The following MAP3K15 variants were observed in gnomAD, a reference collection of about 807,000 sequenced individuals.
The protein encoded by MAP3K15 is mitogen-activated protein kinase kinase kinase 15.
MAP3K15 carries 124 observed loss-of-function variants against 99.5 expected under a neutral mutation model. The observed-to-expected ratio is 1.25, with a 90% CI of 1.08 to 1.45. MAP3K15 has a LOEUF of 1.45. Ranked by LOEUF, MAP3K15 falls within the 40% of genes most tolerant of loss-of-function variation. The probability of loss-of-function intolerance (pLI) is 0.00; values close to 1 mark genes in which losing one functional copy is unlikely to be tolerated. For synonymous variants in MAP3K15, 494 were observed against 439.6 expected (o/e 1.12, Z -1.55); for missense variants, 1,242 against 1,079.7 (o/e 1.15, Z -2.11).
At chrX:19,382,050 G>A (rs2063461422) in intron 18 of MAP3K15, among the ~76,000 whole-genome samples, 1 of 111,007 alleles carries the variant, frequency 9.0e-6, no homozygotes, top group African/African-American at 3.3e-5. Flanking sequence ...TTCGAGACCA[G>A]CCTGGCCAAC....
intron 5 of MAP3K15, among the ~76,000 whole-genome samples, chrX:19,458,705 T>G (rs190950867): frequency 9.1e-6 from 1 of 110,425 alleles, no homozygotes; most frequent in Non-Finnish European, 1.9e-5. Flanking sequence ...AAATAAAAAT[T>G]TGAAAAACAG....
At chrX:19,402,358 T>C (rs2063615355) in intron 13 of MAP3K15, among the ~76,000 whole-genome samples, 1 of 111,087 alleles carries the variant, frequency 9.0e-6, no homozygotes, top group Non-Finnish European at 1.9e-5. Context: ...GGGACTCTCA[T>C]ACATTGCTAG....
chrX:19,418,254 AG>A (rs745800967), intron 9 of MAP3K15, among the ~76,000 whole-genome samples: 3 of 111,607 alleles, frequency 2.7e-5, no homozygotes, highest in Non-Finnish European at 3.8e-5. Context: ...GAGCTAAAGG[AG>A]GAAGTTCGAA....
chrX:19,499,331 T>A (rs1476595792), intron 1 of MAP3K15, among the ~76,000 whole-genome samples: 5 of 112,220 alleles, frequency 4.5e-5, no homozygotes, highest in Non-Finnish European at 9.4e-5. Flanking sequence ...GTGCTAAGAA[T>A]ATAAAATGGT....
chrX:19,369,019 G>A (rs779916280), intron 25 of MAP3K15, 35 bp downstream of exon 25: 11 of 1,146,432 alleles, frequency 9.6e-6, no homozygotes, highest in South Asian at 4.1e-5. Flanking sequence ...CTGTCCCAGC[G>A]CCTGCTCCCA....
chrX:19,427,474 A>G (rs2063841709), intron 7 of MAP3K15, among the ~76,000 whole-genome samples: 2 of 111,598 alleles, frequency 1.8e-5, no homozygotes, highest in South Asian at 7.6e-4. Flanking sequence ...CTGGATCCCA[A>G]ATAACTATAG....
At chrX:19,404,814 C>T (rs932815973) in intron 13 of MAP3K15, among the ~76,000 whole-genome samples, 4 of 111,554 alleles carry the variant, frequency 3.6e-5, no homozygotes, top group African/African-American at 1.3e-4. Context: ...CACATATCCA[C>T]GTTAAAGAAT....
intron 3 of MAP3K15, among the ~76,000 whole-genome samples, chrX:19,476,981 G>C (rs2064247279): frequency 9.0e-6 from 1 of 111,500 alleles, no homozygotes; most frequent in Non-Finnish European, 1.9e-5. Context: ...CCCTACCCCT[G>C]TCCTCCCAGG....
chrX:19,492,144 T>C (rs1477067613), intron 1 of MAP3K15, among the ~76,000 whole-genome samples: 1 of 110,183 alleles, frequency 9.1e-6, no homozygotes, highest in Non-Finnish European at 1.9e-5. Flanking sequence ...CTTTTTATTA[T>C]GCAGAACTAC....
chrX:19,480,096 A>C (rs771658458), intron 3 of MAP3K15, among the ~76,000 whole-genome samples: 8 of 112,488 alleles, frequency 7.1e-5, no homozygotes, highest in Non-Finnish European at 1.5e-4. Flanking sequence ...AGACCTGTAC[A>C]TGGAAAACTA....
intron 3 of MAP3K15, among the ~76,000 whole-genome samples, chrX:19,472,110 G>C (rs2064211693): frequency 9.1e-6 from 1 of 109,865 alleles, no homozygotes; most frequent in African/African-American, 3.3e-5. Context: ...TGTAGTCCCA[G>C]CTACTCCGGA....
rs2063750783 is a variant in MAP3K15 at position 19,417,983 on chromosome X, T to C, written c.1440-2726A>G. Among the ~76,000 whole-genome samples the C allele has an allele frequency of 4.5e-5, 5 of 112,261 alleles. 1 individual carries two copies. In the South Asian group the frequency reaches 1.8e-3, roughly 41 times the overall value. ...CCAACAGACCTGCAGCTGAGGGTCCTGAGTGTTAGAAGGAAAACTAACAAA... is the reference window on the plus strand; with the variant it reads ...CCAACAGACCTGCAGCTGAGGGTCCCGAGTGTTAGAAGGAAAACTAACAAA... On this transcript the variant is annotated intron_variant, in intron 9 of 28. Transcript: ENST00000338883.
At chrX:19,374,759 G>T in intron 19 of MAP3K15, 99 bp from the exon 20 acceptor site, 1 of 785,652 alleles carries the variant, frequency 1.3e-6, no homozygotes, top group Non-Finnish European at 1.9e-6. Flanking sequence ...TGACATCCCA[G>T]GACAGGCATA....
intron 6 of MAP3K15, among the ~76,000 whole-genome samples, chrX:19,456,197 G>A (rs983719935): frequency 9.0e-6 from 1 of 111,671 alleles, no homozygotes; most frequent in Admixed American, 9.6e-5. Flanking sequence ...AATGTCCATA[G>A]CAGCGCTGTT....
chrX:19,445,683 C>T (rs1043180209), intron 6 of MAP3K15, among the ~76,000 whole-genome samples: 2 of 109,675 alleles, frequency 1.8e-5, no homozygotes, highest in South Asian at 7.7e-4. Context: ...CGGCTCACGC[C>T]TGTAATCCAA....
chrX:19,416,548 A>T (rs1271367439), intron 9 of MAP3K15, among the ~76,000 whole-genome samples: 1 of 111,644 alleles, frequency 9.0e-6, no homozygotes, highest in African/African-American at 3.3e-5. Context: ...TGCTCCCAAG[A>T]AGCCGAGAAA....
Position 19,395,147 on chromosome X carries a change from C to T in MAP3K15, c.2128G>A (p.Val710Ile). The part of the protein sequence containing the change: ...LHKYLKHRNI[V>I]QYLGSVSENG... Reference sequence around the variant, plus strand: ...TCTGAAACAGAGCCCAGGTACTGAACGATATTGCGGTGCTTAAGGTACTTG... The same window carrying T: ...TCTGAAACAGAGCCCAGGTACTGAATGATATTGCGGTGCTTAAGGTACTTG... The change falls in exon 16 of 29, where the codon GTT becomes ATT. Residue 710 changes from valine to isoleucine, a missense_variant. Val to Ile is a conservative substitution (Grantham distance 29, BLOSUM62 3). Coordinates refer to ENST00000338883, the MANE Select transcript of MAP3K15 (RefSeq NM_001001671.4). 8 of 1,208,586 alleles carry T rather than the reference C, an allele frequency of 6.6e-6. No homozygotes were observed. Among genetic ancestry groups the T allele is most frequent in the Non-Finnish European group, 7.8e-6 (7 of 893,600 alleles).
rs1431543721 is a variant in MAP3K15 at position 19,395,101 on chromosome X, A to C, written c.2174T>G (p.Phe725Cys). Residue 725 changes from phenylalanine to cysteine, a missense_variant, in exon 16 of 29, where the codon TTT becomes TGT. Coordinates refer to ENST00000338883, the MANE Select transcript of MAP3K15 (RefSeq NM_001001671.4). ...SVSENGYIKI[F>C]MEQVPGGSLS... is the part of the protein sequence containing the mutation. The stretch of plus-strand genomic sequence containing the variant: ...CTCACCTCCAGGCACCTGCTCCATA[A>C]ATATCTTAATGTAGCCGTTCTCTGA... 2 of 1,205,605 alleles carry C rather than the reference A, an allele frequency of 1.7e-6. No homozygotes were observed. The highest frequency in any genetic ancestry group is 3.5e-5 in the African/African-American group (2 of 56,497).
intron 25 of MAP3K15, among the ~76,000 whole-genome samples, chrX:19,367,487 A>G (rs184994698): frequency 1.3e-5 from 1 of 78,371 alleles, no homozygotes; most frequent in Non-Finnish European, 2.0e-5. Context: ...AAAAACTTTC[A>G]AAATGTTGCC....
Sources: allele counts gnomAD v4.1 joint callset (sites outside exome capture counted in the v4.1 genomes callset), GRCh38; gene constraint gnomAD v4.1.1; transcripts MANE v1.5; gene names NCBI Gene and HGNC (gene_info 2026-07-23, HGNC 2026-07-21).